The following PLCZ1 variants were observed in gnomAD, a reference collection of about 807,000 sequenced individuals.
PLCZ1 encodes 1-phosphatidylinositol 4,5-bisphosphate phosphodiesterase zeta-1.
PLCZ1 carries 64 observed loss-of-function variants against 76.8 expected under a neutral mutation model. The ratio of observed to expected loss-of-function variants is 0.83; its 90% CI spans 0.68 to 1.03. PLCZ1 has a LOEUF of 1.03. Ranked by LOEUF, PLCZ1 falls within the 50% of genes least tolerant of loss-of-function variation. The pLI is 0.00. For synonymous variants in PLCZ1, 248 were observed against 230.8 expected (o/e 1.07, Z -0.68); for missense variants, 751 against 713.7 (o/e 1.05, Z -0.60).
At chr12:18,677,970 A>G in the PLCZ1 span, among the ~76,000 whole-genome samples, 25 of 152,082 alleles carry the variant, frequency 1.6e-4, no homozygotes, top group Non-Finnish European at 3.1e-4. Flanking sequence ...ATGTATTTCA[A>G]TCAAGAGAGT....
At chr12:18,716,951 T>TA (rs1344407780) in intron 5 of PLCZ1, among the ~76,000 whole-genome samples, 1 of 152,158 alleles carries the variant, frequency 6.6e-6, no homozygotes, top group Non-Finnish European at 1.5e-5. Context: ...ACACAATGGT[T>TA]ATATCTGTCA....
At chr12:18,704,832 T>C (rs187528263) in intron 7 of PLCZ1, among the ~76,000 whole-genome samples, 10 of 152,198 alleles carry the variant, frequency 6.6e-5, no homozygotes, top group African/African-American at 2.4e-4. Flanking sequence ...CTATTTATAG[T>C]CTAGAACTTT....
At chr12:18,658,322 A>G in the PLCZ1 span, among the ~76,000 whole-genome samples, 1 of 152,238 alleles carries the variant, frequency 6.6e-6, no homozygotes, top group Non-Finnish European at 1.5e-5. Flanking sequence ...CACTTGATGA[A>G]TTACATCCAA....
At chr12:18,710,514 G>A (rs1296065204) in intron 6 of PLCZ1, among the ~76,000 whole-genome samples, 2 of 151,884 alleles carry the variant, frequency 1.3e-5, no homozygotes, top group Non-Finnish European at 2.9e-5. Flanking sequence ...TTTTGAGTGA[G>A]GCCGAAGGCT....
intron 3 of PLCZ1, among the ~76,000 whole-genome samples, chr12:18,735,155 A>G (rs1283137425): frequency 2.0e-5 from 3 of 152,096 alleles, no homozygotes; most frequent in Non-Finnish European, 4.4e-5. Flanking sequence ...TTGATTTGCT[A>G]TTATTTTGTT....
At chr12:18,687,674 C>T (rs540203616) in intron 13 of PLCZ1, among the ~76,000 whole-genome samples, 131 of 152,106 alleles carry the variant, frequency 8.6e-4, no homozygotes, top group African/African-American at 3.0e-3. Flanking sequence ...AAGCCATAGA[C>T]TTTTAATCTA....
At chr12:18,658,049 G>A in the PLCZ1 span, among the ~76,000 whole-genome samples, 1 of 152,104 alleles carries the variant, frequency 6.6e-6, no homozygotes, top group East Asian at 1.9e-4. Context: ...TATAACAACT[G>A]AAATGAAAAA....
chr12:18,656,544 G>A, the PLCZ1 span, among the ~76,000 whole-genome samples: 51 of 152,114 alleles, frequency 3.4e-4, no homozygotes, highest in Non-Finnish European at 3.7e-4. Flanking sequence ...CAGCCTGGGC[G>A]ACAGAGCGAG....
chr12:18,711,413 T>C (rs1957316878), intron 6 of PLCZ1, among the ~76,000 whole-genome samples: 1 of 144,748 alleles, frequency 6.9e-6, no homozygotes, highest in Non-Finnish European at 1.5e-5. Flanking sequence ...AGGGATAGCA[T>C]TAGGAGATAT....
chr12:18,730,580 C>T (rs1168382297), intron 3 of PLCZ1, among the ~76,000 whole-genome samples: 1 of 151,980 alleles, frequency 6.6e-6, no homozygotes, highest in Non-Finnish European at 1.5e-5. Flanking sequence ...ATATTAATAG[C>T]CACTCCAGAA....
downstream of PLCZ1, among the ~76,000 whole-genome samples, chr12:18,679,558 G>A (rs896905882): frequency 1.3e-5 from 2 of 151,924 alleles, no homozygotes; most frequent in African/African-American, 4.8e-5. Flanking sequence ...CATAGGCAAT[G>A]TTTATAATGC....
the PLCZ1 span, among the ~76,000 whole-genome samples, chr12:18,660,973 GA>G: frequency 6.6e-6 from 1 of 152,024 alleles, no homozygotes; most frequent in Non-Finnish European, 1.5e-5. Flanking sequence ...AAACCCAAAT[GA>G]AGCCAAAATG....
chr12:18,706,638 C>T (rs776032551), intron 6 of PLCZ1, among the ~76,000 whole-genome samples: 19 of 152,146 alleles, frequency 1.2e-4, no homozygotes, highest in Non-Finnish European at 2.5e-4. Context: ...ATCTTATTTA[C>T]AATTTTTTTC....
At chr12:18,689,830 T>C (rs2137104045) in intron 12 of PLCZ1, among the ~76,000 whole-genome samples, 1 of 152,274 alleles carries the variant, frequency 6.6e-6, no homozygotes, top group Middle Eastern at 3.4e-3. Flanking sequence ...TTAAGAAAGC[T>C]TATAGTAAAA....
At chr12:18,691,852 A>G (rs1412822058) in intron 12 of PLCZ1, among the ~76,000 whole-genome samples, 2 of 152,170 alleles carry the variant, frequency 1.3e-5, no homozygotes, top group Non-Finnish European at 2.9e-5. Context: ...AGCCAGCTAC[A>G]TACTTCACAG....
chr12:18,702,648 A>G (rs1400582449), intron 7 of PLCZ1, among the ~76,000 whole-genome samples: 1 of 152,048 alleles, frequency 6.6e-6, no homozygotes, highest in Admixed American at 6.6e-5. Flanking sequence ...CTGCAATCCC[A>G]TGTATCAAGA....
In PLCZ1 at chr12:18,737,346, G is replaced by A; in HGVS notation, c.11+15C>T. On this transcript the variant is annotated intron_variant, in intron 2 of 14. Coordinates refer to ENST00000266505, the MANE Select transcript of PLCZ1 (RefSeq NM_033123.4). ...GAAAGAAGAAGAGGAGCAGAAAGAA[G>A]CTCTCAATGGATATCTCATTTCCAT... The A allele has an allele frequency of 6.2e-7, 1 of 1,611,562 alleles. No homozygotes were observed. The highest frequency in any genetic ancestry group is 8.5e-7 in the Non-Finnish European group (1 of 1,177,718).
chr12:18,715,411 T>G (rs973039592), intron 5 of PLCZ1, among the ~76,000 whole-genome samples: 7 of 150,026 alleles, frequency 4.7e-5, no homozygotes, highest in African/African-American at 1.5e-4. Context: ...TTTTTTTTTG[T>G]TTTTTTTAGA....
At chr12:18,684,677 C>T (rs1289088337) in intron 13 of PLCZ1, among the ~76,000 whole-genome samples, 2 of 152,006 alleles carry the variant, frequency 1.3e-5, no homozygotes, top group African/African-American at 4.8e-5. Context: ...GACTGATGTA[C>T]TTAGGCAATT....
Sources: allele counts gnomAD v4.1 joint callset (sites outside exome capture counted in the v4.1 genomes callset), GRCh38; gene constraint gnomAD v4.1.1; transcripts MANE v1.5; gene names NCBI Gene and HGNC (gene_info 2026-07-23, HGNC 2026-07-21).